SUGCT: variants seen among roughly 807,000 people sequenced by gnomAD.
The protein encoded by SUGCT is succinyl-CoA:glutarate CoA-transferase.
Under a neutral mutation model 55.0 loss-of-function variants are expected in SUGCT, and 41 were observed. The ratio of observed to expected loss-of-function variants is 0.74; its 90% confidence interval spans 0.58 to 0.97. The LOEUF (loss-of-function observed/expected upper bound fraction) is 0.97, where lower values mean the gene tolerates loss of function less well. SUGCT is among the 50% of genes least tolerant of loss of function. The probability of loss-of-function intolerance (pLI) is 0.00; values close to 1 mark genes in which losing one functional copy is unlikely to be tolerated. For synonymous variants in SUGCT, 187 were observed against 200.4 expected (o/e 0.93, Z 0.56); for missense variants, 568 against 547.8 (o/e 1.04, Z -0.37).
intron 12 of SUGCT, among the ~76,000 whole-genome samples, chr7:40,513,409 C>G (rs1017286083): frequency 6.6e-6 from 1 of 152,152 alleles, no homozygotes; most frequent in African/African-American, 2.4e-5. Context: ...TACAACTGGG[C>G]TAAGCTAACC....
chr7:40,848,879 G>T (rs972218896), intron 13 of SUGCT, among the ~76,000 whole-genome samples: 1 of 152,126 alleles, frequency 6.6e-6, no homozygotes, highest in Non-Finnish European at 1.5e-5. Context: ...CATCTAATGG[G>T]TTTAATGTGT....
intron 12 of SUGCT, among the ~76,000 whole-genome samples, chr7:40,562,072 G>A (rs936767726): frequency 8.6e-5 from 13 of 150,860 alleles, no homozygotes; most frequent in Admixed American, 2.0e-4. Context: ...GGCTGAAGCC[G>A]CTGGATCACA....
chr7:40,512,116 T>G (rs1792964787), intron 12 of SUGCT, among the ~76,000 whole-genome samples: 4 of 152,214 alleles, frequency 2.6e-5, no homozygotes, highest in Admixed American at 1.3e-4. Flanking sequence ...CTGGAAGTAC[T>G]TCTCTACAGA....
At chr7:40,675,855 A>G (rs1240595602) in intron 12 of SUGCT, among the ~76,000 whole-genome samples, 2 of 152,214 alleles carry the variant, frequency 1.3e-5, no homozygotes, top group African/African-American at 2.4e-5. Context: ...CAGAAGTATC[A>G]TGTCAAGGAG....
chr7:40,952,710 T>C, the SUGCT span, among the ~76,000 whole-genome samples: 8 of 152,212 alleles, frequency 5.3e-5, no homozygotes, highest in East Asian at 1.9e-4. Flanking sequence ...CCTTCACTTA[T>C]GAAGCTTAGT....
the SUGCT span, among the ~76,000 whole-genome samples, chr7:40,939,339 C>A: frequency 6.6e-6 from 1 of 152,174 alleles, no homozygotes; most frequent in Non-Finnish European, 1.5e-5. Flanking sequence ...TTCCACAACA[C>A]GTGGGAATTA....
At chr7:40,928,138 C>T in the SUGCT span, among the ~76,000 whole-genome samples, 2 of 151,624 alleles carry the variant, frequency 1.3e-5, no homozygotes, top group Non-Finnish European at 2.9e-5. Flanking sequence ...TTTTCCCACC[C>T]ATTTCTCCTT....
chr7:40,593,014 A>T (rs369118644), intron 12 of SUGCT, among the ~76,000 whole-genome samples: 1 of 152,200 alleles, frequency 6.6e-6, no homozygotes, highest in South Asian at 2.1e-4. Context: ...ATCGAACCAG[A>T]CCAGGGCCTA....
intron 13 of SUGCT, among the ~76,000 whole-genome samples, chr7:40,842,656 C>G (rs1793333933): frequency 6.6e-6 from 1 of 152,134 alleles, no homozygotes. Context: ...GCAAAGAAAA[C>G]AGATAAGATT....
At chr7:40,387,740 A>G (rs1785198073) in intron 9 of SUGCT, among the ~76,000 whole-genome samples, 2 of 152,276 alleles carry the variant, frequency 1.3e-5, no homozygotes, top group South Asian at 4.1e-4. Flanking sequence ...AATAATGTCT[A>G]TAAAGTGCTT....
At chr7:40,344,156 A>T (rs879134707) in intron 9 of SUGCT, among the ~76,000 whole-genome samples, 1 of 152,218 alleles carries the variant, frequency 6.6e-6, no homozygotes, top group Admixed American at 6.5e-5. Flanking sequence ...ATGGATTTAA[A>T]TTGGCAGCTT....
chr7:40,837,693 C>A (rs1346076245), intron 13 of SUGCT, among the ~76,000 whole-genome samples: 7 of 152,066 alleles, frequency 4.6e-5, no homozygotes, highest in Admixed American at 2.6e-4. Context: ...GCGATTGAAC[C>A]CAGGTTGCCT....
At chr7:40,401,590 C>G (rs143741691) in intron 9 of SUGCT, among the ~76,000 whole-genome samples, 87 of 152,318 alleles carry the variant, frequency 5.7e-4, no homozygotes, top group African/African-American at 2.0e-3. Context: ...TGAGGTTTGC[C>G]CTTCCAACTT....
chr7:40,568,191 A>G (rs1256408107), intron 12 of SUGCT, among the ~76,000 whole-genome samples: 1 of 152,214 alleles, frequency 6.6e-6, no homozygotes, highest in Non-Finnish European at 1.5e-5. Flanking sequence ...AAAAAATTTG[A>G]TTCAGTGGAA....
the SUGCT span, among the ~76,000 whole-genome samples, chr7:41,017,282 C>G: frequency 1.3e-5 from 2 of 152,128 alleles, no homozygotes; most frequent in African/African-American, 4.8e-5. Context: ...CCATTCACGT[C>G]TCCATATGAG....
intron 12 of SUGCT, among the ~76,000 whole-genome samples, chr7:40,657,677 G>A (rs1238589079): frequency 6.6e-6 from 1 of 151,964 alleles, no homozygotes; most frequent in East Asian, 1.9e-4. Context: ...TGGGATTACA[G>A]GCACCCGCCA....
At position 40,693,373 on chromosome 7, in the gene SUGCT, G is replaced by A. The variant is rs549963443; in HGVS notation, c.1090-56061G>A. On this transcript the variant is annotated intron_variant, in intron 12 of 13. Transcript: ENST00000335693. ...GATGAGATGAGACCTAGAATTAATA[G>A]CACACTTTCAGGTGCTATTCCAAAT... Among the ~76,000 whole-genome samples, 14 of 152,288 alleles carry A rather than the reference G, an allele frequency of 9.2e-5. No individual in the cohort carries two copies. The South Asian group carries it at 2.9e-3, about 32-fold the overall frequency.
intron 12 of SUGCT, among the ~76,000 whole-genome samples, chr7:40,625,137 G>T (rs1260292576): frequency 6.6e-6 from 1 of 151,824 alleles, no homozygotes; most frequent in Admixed American, 6.6e-5. Flanking sequence ...GCACATTCTC[G>T]GACCTATTCT....
the SUGCT span, among the ~76,000 whole-genome samples, chr7:41,037,027 C>G: frequency 1.3e-5 from 2 of 152,076 alleles, no homozygotes; most frequent in Non-Finnish European, 2.9e-5. Context: ...CAAGTGACTT[C>G]GACTCTCATT....
Sources: allele counts gnomAD v4.1 joint callset (sites outside exome capture counted in the v4.1 genomes callset), GRCh38; gene constraint gnomAD v4.1.1; transcripts MANE v1.5; gene names NCBI Gene and HGNC (gene_info 2026-07-23, HGNC 2026-07-21).